The following ANKRD6 variants were observed in gnomAD, a reference collection of about 807,000 sequenced individuals.
The protein encoded by ANKRD6 is ankyrin repeat domain-containing protein 6.
A neutral mutation model predicts 82.3 loss-of-function variants in ANKRD6; 56 were observed. That is an observed-to-expected ratio of 0.68 (90% CI 0.55 to 0.85). The LOEUF (loss-of-function observed/expected upper bound fraction) is 0.85, where lower values mean the gene tolerates loss of function less well. Among genes scored for constraint, ANKRD6 ranks in the 40% least tolerant of loss-of-function variants. ANKRD6 has a pLI of 0.00. For missense variants in ANKRD6, 852 were observed against 907.6 expected, an observed-to-expected ratio of 0.94 and a Z score of 0.79; for synonymous variants, 347 against 352.1, an observed-to-expected ratio of 0.99 and a Z score of 0.16.
intron 2 of ANKRD6, chr6:89,568,168 A>G (rs143834826): frequency 6.6e-6 from 1 of 152,302 alleles, no homozygotes; most frequent in East Asian, 1.9e-4. Flanking sequence ...TGTGTGATCT[A>G]CCCATAGCAC....
intron 2 of ANKRD6, among the ~76,000 whole-genome samples, chr6:89,570,111 C>T (rs1023312244): frequency 6.8e-6 from 1 of 147,906 alleles, no homozygotes; most frequent in Admixed American, 6.7e-5. Flanking sequence ...AGATATGCTC[C>T]CCTCTGTCAC....
chr6:89,625,222 G>A (rs1160680359), intron 13 of ANKRD6, among the ~76,000 whole-genome samples: 1 of 152,014 alleles, frequency 6.6e-6, no homozygotes, highest in East Asian at 1.9e-4. Flanking sequence ...GGTGGAGGTT[G>A]TAGTGAGCAG....
intron 9 of ANKRD6, chr6:89,621,596 T>G: frequency 3.6e-6 from 1 of 279,708 alleles, no homozygotes; most frequent in Non-Finnish European, 7.0e-6. Flanking sequence ...TCCTAGTTTA[T>G]GTGAATGGCA....
intron 1 of ANKRD6, among the ~76,000 whole-genome samples, chr6:89,459,548 G>T (rs1446072596): frequency 6.6e-6 from 1 of 151,146 alleles, no homozygotes; most frequent in African/African-American, 2.4e-5. Flanking sequence ...CACCAGCCTT[G>T]TAAGGGTTAG....
intron 1 of ANKRD6, among the ~76,000 whole-genome samples, chr6:89,520,043 A>G (rs1401211165): frequency 1.3e-5 from 2 of 152,186 alleles, no homozygotes; most frequent in African/African-American, 2.4e-5. Context: ...GCTTGAGTGC[A>G]GTGGCACAAT....
chr6:89,622,637 GGGCACGCAT>G (rs1415198285), intron 10 of ANKRD6, among the ~76,000 whole-genome samples: 1 of 152,202 alleles, frequency 6.6e-6, no homozygotes, highest in Admixed American at 6.5e-5. Context: ...ACTGTGCACA[GGGCACGCAT>G]GGTGAGCAGA....
chr6:89,519,107 G>T (rs1781584797), intron 1 of ANKRD6, among the ~76,000 whole-genome samples: 1 of 152,142 alleles, frequency 6.6e-6, no homozygotes, highest in Non-Finnish European at 1.5e-5. Flanking sequence ...TCTCTCCAAG[G>T]ATAGTCACAT....
chr6:89,435,472 G>A (rs910615995), intron 1 of ANKRD6, among the ~76,000 whole-genome samples: 1 of 152,188 alleles, frequency 6.6e-6, no homozygotes, highest in African/African-American at 2.4e-5. Flanking sequence ...ATAACCTGGA[G>A]CATTCTTTAT....
chr6:89,476,667 A>G (rs1432644353), intron 1 of ANKRD6, among the ~76,000 whole-genome samples: 1 of 152,226 alleles, frequency 6.6e-6, no homozygotes, highest in Non-Finnish European at 1.5e-5. Flanking sequence ...CTTAAGTGAT[A>G]AGGTTGATTG....
intron 1 of ANKRD6, among the ~76,000 whole-genome samples, chr6:89,525,846 C>A (rs1782431009): frequency 6.6e-6 from 1 of 152,194 alleles, no homozygotes; most frequent in South Asian, 2.1e-4. Flanking sequence ...TCTTTGTAAG[C>A]TGGTCAAAAC....
At chr6:89,630,200 T>A (rs1807054249) in intron 15 of ANKRD6, among the ~76,000 whole-genome samples, 1 of 152,118 alleles carries the variant, frequency 6.6e-6, no homozygotes, top group Admixed American at 6.5e-5. Flanking sequence ...CCAGTGTGGC[T>A]AACACAGAAT....
At chr6:89,619,035 G>A (rs1802328022) in intron 9 of ANKRD6, among the ~76,000 whole-genome samples, 1 of 152,126 alleles carries the variant, frequency 6.6e-6, no homozygotes, top group Non-Finnish European at 1.5e-5. Flanking sequence ...GGTTTGGGAT[G>A]GCCTTTATTT....
Position 89,631,109 on chromosome 6 carries a change from C to A in ANKRD6, c.*105C>A. On this transcript the variant is annotated 3_prime_UTR_variant, in exon 16 of 16. Coordinates refer to ENST00000339746, the MANE Select transcript of ANKRD6 (RefSeq NM_001242809.2). ...AACTATTGTATATATTGCAGATTTGCCTTTTTAAAAAAATCACTAATTCTA... is the reference window on the plus strand; with the variant it reads ...AACTATTGTATATATTGCAGATTTGACTTTTTAAAAAAATCACTAATTCTA... 1 of 1,403,552 alleles carries A rather than the reference C, an allele frequency of 7.1e-7. No homozygotes were observed. Among genetic ancestry groups the A allele is most frequent in the Non-Finnish European group, 9.2e-7 (1 of 1,083,246 alleles). 86.9% of individuals were successfully genotyped at this position (1,403,552 alleles called of 1,614,324 possible). A position where few individuals can be genotyped will look rare whatever the true frequency, so the allele number is the denominator to read the frequency against.
rs1012928321 is a variant in ANKRD6, at chr6:89,574,371, G to A, written c.120+7275G>A. ...TCCCCTGAGGAACAAAATCATCCCC[G>A]CCTCAGAACCATGGATTAGGCCAAT... is the stretch of plus-strand genomic sequence containing the variant. On this transcript the variant is annotated intron_variant, in intron 2 of 15. Coordinates refer to ENST00000339746, the MANE Select transcript of ANKRD6 (RefSeq NM_001242809.2). Among the ~76,000 whole-genome samples the A allele has an allele frequency of 5.3e-5, 8 of 152,086 alleles. No individual in the cohort carries two copies. In the East Asian group the frequency reaches 5.8e-4, roughly 11 times the overall value.
intron 2 of ANKRD6, among the ~76,000 whole-genome samples, chr6:89,581,166 T>C (rs1792433008): frequency 6.6e-6 from 1 of 152,244 alleles, no homozygotes; most frequent in South Asian, 2.1e-4. Flanking sequence ...TGTGGGATAC[T>C]ATACTCTCCT....
chr6:89,504,471 A>G (rs1302101387), intron 1 of ANKRD6, among the ~76,000 whole-genome samples: 1 of 152,044 alleles, frequency 6.6e-6, no homozygotes, highest in African/African-American at 2.4e-5. Context: ...TGGCACGATC[A>G]TAGCTTATTG....
intron 1 of ANKRD6, among the ~76,000 whole-genome samples, chr6:89,445,208 ACTTTTT>A (rs1345388414): frequency 5.4e-5 from 8 of 148,244 alleles, no homozygotes; most frequent in Non-Finnish European, 1.2e-4. Context: ...AATATTTCAC[ACTTTTT>A]CTTTATTATT....
chr6:89,491,685 G>A (rs1281869339), intron 1 of ANKRD6, among the ~76,000 whole-genome samples: 2 of 151,990 alleles, frequency 1.3e-5, no homozygotes, highest in Non-Finnish European at 2.9e-5. Flanking sequence ...TATACCTAAT[G>A]TAAATGATGA....
At position 89,566,896 on chromosome 6, in the gene ANKRD6, G is replaced by T. The variant is rs974799399; in HGVS notation, c.-81G>T. ...TGATTGTGAACATCTTTACCTCTGG[G>T]TGCCAGGCCGGGCCAGTGACTTCGT... On this transcript the variant is annotated 5_prime_UTR_variant, in exon 2 of 16. Coordinates refer to ENST00000339746, the MANE Select transcript of ANKRD6 (RefSeq NM_001242809.2). The T allele has an allele frequency of 1.3e-6, 2 of 1,519,634 alleles. No homozygotes were observed. The highest frequency in any genetic ancestry group is 2.8e-5 in the African/African-American group (2 of 72,186). 94.1% of individuals were successfully genotyped at this position (1,519,634 alleles called of 1,614,324 possible).
Sources: gnomAD v4.1 joint callset for allele counts (sites outside exome capture counted in the v4.1 genomes callset) on GRCh38, gnomAD v4.1.1 for gene constraint, MANE v1.5 for transcripts, NCBI Gene and HGNC (gene_info 2026-07-23, HGNC 2026-07-21) for gene names.